JCAD: variants seen among roughly 807,000 people sequenced by gnomAD.
The protein encoded by JCAD is junctional cadherin 5-associated protein.
Under a neutral mutation model 98.0 loss-of-function variants are expected in JCAD, and 40 were observed. The observed-to-expected ratio is 0.41, with a 90% CI of 0.32 to 0.53. The LOEUF is 0.53. Among genes scored for constraint, JCAD ranks in the 20% least tolerant of loss-of-function variants. The pLI is 0.31. For missense variants in JCAD, 1,705 were observed against 1,738.1 expected, an observed-to-expected ratio of 0.98 and a Z score of 0.34; for synonymous variants, 691 against 682.3, an observed-to-expected ratio of 1.01 and a Z score of -0.20.
chr10:30,025,256 G>A (rs182894921), intron 3 of JCAD, among the ~76,000 whole-genome samples: 42 of 151,834 alleles, frequency 2.8e-4, no homozygotes, highest in African/African-American at 9.6e-4. Context: ...AGTGGTTCAC[G>A]CCTGTAATCC....
intron 2 of JCAD, among the ~76,000 whole-genome samples, chr10:30,064,881 A>G (rs1837757865): frequency 1.3e-5 from 2 of 152,216 alleles, no homozygotes; most frequent in Non-Finnish European, 2.9e-5. Context: ...CATGTTGGTC[A>G]GGCTGGTCTC....
intron 1 of JCAD, among the ~76,000 whole-genome samples, chr10:30,110,849 T>C (rs1395523626): frequency 6.6e-6 from 1 of 151,954 alleles, no homozygotes; most frequent in Non-Finnish European, 1.5e-5. Flanking sequence ...CTAACAGATA[T>C]ATGGGCCAGC....
intron 3 of JCAD, among the ~76,000 whole-genome samples, chr10:30,025,565 GA>G: frequency 8.8e-6 from 1 of 113,194 alleles, no homozygotes; most frequent in African/African-American, 3.1e-5. Flanking sequence ...GAGGGGAGGG[GA>G]GGGGAGGGAG....
intron 2 of JCAD, among the ~76,000 whole-genome samples, chr10:30,046,663 A>G (rs1837344539): frequency 6.6e-6 from 1 of 152,200 alleles, no homozygotes; most frequent in Admixed American, 6.5e-5. Context: ...ATTACAAGGG[A>G]ACCAAGAAGC....
rs375736367 is a variant in JCAD at position 30,026,770 on chromosome 10, T to C, written c.3378A>G (p.Glu1126=). Residue 1126 remains glutamate, a synonymous_variant, in exon 3 of 4, where the codon GAA becomes GAG. Coordinates refer to ENST00000375377, the MANE Select transcript of JCAD (RefSeq NM_020848.4). ...ASACTPESPQ[E]ELLSRPAPAD... ...CCGGTGCTGGGCGAGATAGCAACTC[T>C]TCCTGGGGGGACTCTGGGGTGCAGG... is the stretch of plus-strand genomic sequence containing the variant. The C allele has an allele frequency of 1.2e-6, 2 of 1,614,076 alleles. No homozygotes were observed. The highest frequency in any genetic ancestry group is 2.7e-5 in the African/African-American group (2 of 74,954).
intron 2 of JCAD, among the ~76,000 whole-genome samples, chr10:30,033,167 G>T (rs1343234063): frequency 6.6e-6 from 1 of 152,336 alleles, no homozygotes; most frequent in South Asian, 2.1e-4. Flanking sequence ...TCTAAGCCAA[G>T]AAATGTGAAC....
intron 1 of JCAD, among the ~76,000 whole-genome samples, chr10:30,113,067 T>C (rs780477365): frequency 2.0e-4 from 31 of 152,188 alleles, no homozygotes; most frequent in Non-Finnish European, 3.8e-4. Flanking sequence ...CACTGCACTG[T>C]ACACTTTACA....
At chr10:30,055,187 A>G (rs1027464730) in intron 1 of JCAD, among the ~76,000 whole-genome samples, 4 of 152,194 alleles carry the variant, frequency 2.6e-5, no homozygotes, top group African/African-American at 9.6e-5. Flanking sequence ...GCATTCTAAA[A>G]AGGTCTTAAT....
intron 2 of JCAD, among the ~76,000 whole-genome samples, chr10:30,045,548 A>G (rs976516267): frequency 1.3e-5 from 2 of 152,212 alleles, no homozygotes; most frequent in African/African-American, 2.4e-5. Context: ...ACTCAGCAGA[A>G]AACTAAATGA....
chr10:30,028,706 A>C lies in JCAD; in HGVS notation c.1442T>G (p.Ile481Arg), dbSNP rs1836905115. The change falls in exon 3 of 4, where the codon ATA becomes AGA. Residue 481 changes from isoleucine (I) to arginine (R), a missense_variant. Physicochemically the swap from Ile to Arg is moderately conservative, Grantham distance 97. Coordinates refer to ENST00000375377, the MANE Select transcript of JCAD (RefSeq NM_020848.4). ...DGAIWNPQSL[I>R]PPSGDERGLV... ...GCCTCTCTCATCCCCCGACGGGGGT[A>C]TTAAGCTCTGTGGATTCCAAATGGC... 4.3e-6 allele frequency: 7 copies of C among 1,612,880 alleles called. No homozygotes were observed. In the South Asian group the frequency reaches 7.7e-5, roughly 18 times the overall value.
chr10:30,028,575 G>A lies in JCAD; in HGVS notation c.1573C>T (p.Gln525Ter), dbSNP rs1836897193. ...TGGCTGCCTCTCACATCAGGCCACTGTCCCCTTGCCACACAGCGGTCTCTC... is the reference window on the plus strand; with the variant it reads ...TGGCTGCCTCTCACATCAGGCCACTATCCCCTTGCCACACAGCGGTCTCTC... ...NQRDRCVARG[Q>*]WPDVRGSQHG... Residue 525 changes from glutamine to a stop codon, truncating the protein, a stop_gained, in exon 3 of 4, where the codon CAG becomes TAG. Transcript: ENST00000375377. LOFTEE classifies it high-confidence loss of function. 1 of 1,614,044 alleles carries A rather than the reference G, an allele frequency of 6.2e-7. No homozygotes were observed. The highest frequency in any genetic ancestry group is 1.1e-5 in the South Asian group (1 of 91,086).
At chr10:30,112,871 CAA>C (rs57740787) in intron 1 of JCAD, among the ~76,000 whole-genome samples, 382 of 99,062 alleles carry the variant, frequency 3.9e-3, no homozygotes, top group African/African-American at 0.013. Flanking sequence ...GACTCCATCT[CAA>C]AAAAAAAAAA....
At chr10:30,045,912 A>T (rs1051747213) in intron 2 of JCAD, among the ~76,000 whole-genome samples, 9 of 152,194 alleles carry the variant, frequency 5.9e-5, no homozygotes, top group African/African-American at 2.2e-4. Context: ...ATAATGTGTT[A>T]AGTGCTCTGA....
At chr10:30,071,018 GCT>G (rs898316466) in intron 1 of JCAD, among the ~76,000 whole-genome samples, 1 of 152,100 alleles carries the variant, frequency 6.6e-6, no homozygotes, top group Non-Finnish European at 1.5e-5. Context: ...CAATTATCCT[GCT>G]CAGCCTCCCA....
chr10:30,091,580 A>G (rs2132695812), intron 1 of JCAD, among the ~76,000 whole-genome samples: 1 of 152,276 alleles, frequency 6.6e-6, no homozygotes, highest in Non-Finnish European at 1.5e-5. Context: ...AGGGCTACAT[A>G]TGTAATTATC....
chr10:30,099,813 AC>A (rs1005423205), intron 1 of JCAD, among the ~76,000 whole-genome samples: 8 of 152,112 alleles, frequency 5.3e-5, no homozygotes, highest in Admixed American at 1.3e-4. Flanking sequence ...TCGTAAAGTA[AC>A]CTTTTTCGAT....
intron 1 of JCAD, among the ~76,000 whole-genome samples, chr10:30,077,227 G>T (rs946643951): frequency 1.3e-5 from 2 of 152,098 alleles, no homozygotes; most frequent in Non-Finnish European, 2.9e-5. Context: ...CTAAGCTCTT[G>T]GCAAGGAATT....
At chr10:30,057,070 T>C (rs1388755095) in intron 1 of JCAD, among the ~76,000 whole-genome samples, 3 of 152,194 alleles carry the variant, frequency 2.0e-5, no homozygotes, top group Non-Finnish European at 2.9e-5. Flanking sequence ...GGTTCAGCAA[T>C]AGGCCCAGAG....
intron 1 of JCAD, among the ~76,000 whole-genome samples, chr10:30,111,957 A>G (rs950910610): frequency 1.3e-5 from 2 of 152,218 alleles, no homozygotes; most frequent in Non-Finnish European, 2.9e-5. Flanking sequence ...TTCCACTCCC[A>G]GGTAGATGCC....
Sources: allele counts gnomAD v4.1 joint callset (sites outside exome capture counted in the v4.1 genomes callset), GRCh38; gene constraint gnomAD v4.1.1; transcripts MANE v1.5; gene names NCBI Gene and HGNC (gene_info 2026-07-23, HGNC 2026-07-21).